Variants in LIMCH1 observed in about 807,000 individuals in gnomAD.
LIMCH1 encodes the protein LIM and calponin homology domains 1.
A neutral mutation model predicts 176.5 loss-of-function variants in LIMCH1; 113 were observed. That is an observed-to-expected ratio of 0.64 (90% confidence interval 0.55 to 0.75). The LOEUF (loss-of-function observed/expected upper bound fraction) is 0.75, where lower values mean the gene tolerates loss of function less well. Among genes scored for constraint, LIMCH1 ranks in the 30% least tolerant of loss-of-function variants. The pLI is 0.00. For synonymous variants in LIMCH1, 619 were observed against 645.9 expected, an observed-to-expected ratio of 0.96 and a Z score of 0.63; for missense variants, 1,674 against 1,814.9, an observed-to-expected ratio of 0.92 and a Z score of 1.41.
At chr4:41,493,552 T>TG (rs1186528658) in intron 1 of LIMCH1, among the ~76,000 whole-genome samples, 1 of 152,196 alleles carries the variant, frequency 6.6e-6, no homozygotes, top group African/African-American at 2.4e-5. Context: ...CAGTGTAATC[T>TG]GGAGATGATT....
chr4:41,519,404 G>A (rs1583422295), intron 2 of LIMCH1, among the ~76,000 whole-genome samples: 1 of 152,220 alleles, frequency 6.6e-6, no homozygotes, highest in East Asian at 1.9e-4. Context: ...GATTTAGAAT[G>A]TAAAAGTTTA....
At position 41,692,396 on chromosome 4, in the gene LIMCH1, G is replaced by A. The variant is rs776711630; in HGVS notation, c.4378+12G>A. Reference sequence around the variant, plus strand: ...CATGCGATCCAGAAGTAAGTACTGGGGAGAATGCCTCATGATGACCGAGTG... The same window carrying A: ...CATGCGATCCAGAAGTAAGTACTGGAGAGAATGCCTCATGATGACCGAGTG... On this transcript the variant is annotated intron_variant, in intron 31 of 31. Transcript: ENST00000503057. The A allele has an allele frequency of 1.5e-5, 23 of 1,520,140 alleles. No homozygotes were observed. In the Admixed American group the frequency reaches 2.5e-4, roughly 17 times the overall value. The allele number at this position is 1,520,140 out of a possible 1,614,324, so 94.2% of individuals were successfully genotyped here.
Position 41,644,486 on chromosome 4 carries a change from C to T in LIMCH1, c.2127-14C>T, listed in dbSNP as rs2093978567. On this transcript the variant is annotated splice_polypyrimidine_tract_variant and intron_variant, in intron 14 of 31. Coordinates refer to ENST00000503057, the MANE Select transcript of LIMCH1 (RefSeq NM_001330672.2). ...GATCGCGGTCCCTCTTGTGTTCGCT[C>T]TCTCCACACTCAGGAGCACCAGCAT... 6.6e-7 allele frequency: 1 copy of T among 1,524,894 alleles called. No homozygotes were observed. Among genetic ancestry groups the T allele is most frequent in the Non-Finnish European group, 8.8e-7 (1 of 1,132,638 alleles). The allele number at this position is 1,524,894 out of a possible 1,614,324, so 94.5% of individuals were successfully genotyped here.
intron 19 of LIMCH1, among the ~76,000 whole-genome samples, chr4:41,662,126 G>A (rs906474756): frequency 6.6e-6 from 1 of 151,940 alleles, no homozygotes; most frequent in African/African-American, 2.4e-5. Context: ...TTTCTCCAGT[G>A]TTTACCACTT....
chr4:41,527,666 A>G (rs2076800009), intron 3 of LIMCH1, among the ~76,000 whole-genome samples: 1 of 152,126 alleles, frequency 6.6e-6, no homozygotes, highest in African/African-American at 2.4e-5. Context: ...TACTAAAAAT[A>G]CAAAAAATTA....
intron 1 of LIMCH1, among the ~76,000 whole-genome samples, chr4:41,460,454 T>TTATATATATATATATATATATATA (rs1561441509): frequency 3.1e-5 from 2 of 63,746 alleles, no homozygotes; most frequent in East Asian, 3.2e-4. Context: ...ACTATAGTAA[T>TTATATATATATATATATATATATA]CATCTATATA....
At chr4:41,592,606 A>G (rs2087836579) in intron 1 of LIMCH1, among the ~76,000 whole-genome samples, 1 of 152,166 alleles carries the variant, frequency 6.6e-6, no homozygotes, top group Non-Finnish European at 1.5e-5. Flanking sequence ...GAATGTCTTA[A>G]TAATAACTCC....
At chr4:41,478,439 C>CACCATGTTTT (rs1218708269) in intron 1 of LIMCH1, among the ~76,000 whole-genome samples, 3 of 152,190 alleles carry the variant, frequency 2.0e-5, no homozygotes, top group Non-Finnish European at 4.4e-5. Context: ...CTGAGCATTT[C>CACCATGTTTT]ACCATGTTTT....
intron 27 of LIMCH1, among the ~76,000 whole-genome samples, chr4:41,685,496 C>T (rs974545600): frequency 5.3e-5 from 8 of 152,192 alleles, no homozygotes; most frequent in Admixed American, 1.3e-4. Context: ...CAGAAATCAG[C>T]GAGGGGAAAG....
In LIMCH1 at chr4:41,448,011, A is replaced by T. The variant is rs577479868; in HGVS notation, c.97-46525A>T. Among the ~76,000 whole-genome samples the T allele has an allele frequency of 7.9e-5, 12 of 152,252 alleles. No homozygotes were observed. In the East Asian group the frequency reaches 2.3e-3, roughly 29 times the overall value. ...TTGCCATGTTGGCCAGGCTGGTCTC[A>T]AACTCCTGACCTCAGGTGATCTGCC... On this transcript the variant is annotated intron_variant, in intron 1 of 26. Coordinates refer to the LIMCH1 transcript ENST00000313860.
intron 13 of LIMCH1, among the ~76,000 whole-genome samples, chr4:41,636,825 A>G (rs2093613080): frequency 6.6e-6 from 1 of 152,220 alleles, no homozygotes; most frequent in African/African-American, 2.4e-5. Flanking sequence ...AAGAAGACAA[A>G]CTCAAGAGTA....
intron 1 of LIMCH1, among the ~76,000 whole-genome samples, chr4:41,565,360 C>T (rs1049634606): frequency 3.4e-5 from 5 of 146,922 alleles, no homozygotes; most frequent in African/African-American, 1.3e-4. Flanking sequence ...CACACACACA[C>T]ACACACACAC....
rs553871217 is a variant in LIMCH1 at position 41,516,633 on chromosome 4, A to G, written c.168-7776A>G. Reference sequence around the variant, plus strand: ...TGTAAAAGATATTGGAAATGGATCAAAGCACTCTGAACATATTCAAATAAT... The same window carrying G: ...TGTAAAAGATATTGGAAATGGATCAGAGCACTCTGAACATATTCAAATAAT... On this transcript the variant is annotated intron_variant, in intron 2 of 26. Transcript: ENST00000313860. Among the ~76,000 whole-genome samples, 3 of 152,342 alleles carry G rather than the reference A, an allele frequency of 2.0e-5. No individual in the cohort carries two copies. The South Asian group carries it at 6.2e-4, about 32-fold the overall frequency.
chr4:41,683,273 T>C (rs1156602962), intron 26 of LIMCH1, among the ~76,000 whole-genome samples: 1 of 152,138 alleles, frequency 6.6e-6, no homozygotes, highest in Non-Finnish European at 1.5e-5. Flanking sequence ...ACCCATGCTC[T>C]ACTGTGTTCC....
intron 1 of LIMCH1, among the ~76,000 whole-genome samples, chr4:41,409,452 G>T (rs1167602487): frequency 6.6e-6 from 1 of 152,144 alleles, no homozygotes; most frequent in Non-Finnish European, 1.5e-5. Flanking sequence ...CTATTGAGGT[G>T]AGTCAGAAAA....
intron 2 of LIMCH1, among the ~76,000 whole-genome samples, chr4:41,495,514 G>T (rs1322596232): frequency 1.3e-5 from 2 of 152,088 alleles, no homozygotes; most frequent in Admixed American, 6.6e-5. Flanking sequence ...CTTGATTTCA[G>T]TGGAATCACA....
intron 25 of LIMCH1, among the ~76,000 whole-genome samples, chr4:41,681,647 G>A (rs115602543): frequency 1.3e-5 from 2 of 151,852 alleles, no homozygotes; most frequent in Non-Finnish European, 2.9e-5. Flanking sequence ...ACTCCAGCCC[G>A]GGTGAGAGAA....
intron 5 of LIMCH1, 113 bp from the exon 6 acceptor site, chr4:41,619,075 A>C (rs2152818085): frequency 8.3e-7 from 1 of 1,198,012 alleles, no homozygotes; most frequent in Non-Finnish European, 1.2e-6. Context: ...TGAATGATTT[A>C]AGAAGGAATC....
chr4:41,399,505 T>C (rs954522542), intron 1 of LIMCH1, among the ~76,000 whole-genome samples: 5 of 152,142 alleles, frequency 3.3e-5, no homozygotes, highest in Non-Finnish European at 7.4e-5. Flanking sequence ...CACATGTAAC[T>C]GGTCAAATAT....
Sources: allele counts gnomAD v4.1 joint callset (sites outside exome capture counted in the v4.1 genomes callset), GRCh38; gene constraint gnomAD v4.1.1; transcripts MANE v1.5; gene names NCBI Gene and HGNC (gene_info 2026-07-23, HGNC 2026-07-21).